The following FLT1 variants were observed in gnomAD, a reference collection of about 807,000 sequenced individuals.
FLT1 encodes the protein vascular endothelial growth factor receptor 1.
FLT1 carries 49 observed loss-of-function variants against 156.3 expected under a neutral mutation model. The observed-to-expected ratio is 0.31, with a 90% CI of 0.25 to 0.40. The LOEUF (loss-of-function observed/expected upper bound fraction) is 0.40, where lower values mean the gene tolerates loss of function less well. Among genes scored for constraint, FLT1 ranks in the 10% least tolerant of loss-of-function variants. The pLI is 1.00. For missense variants in FLT1, 1,322 were observed against 1,637.2 expected (o/e 0.81, Z 3.32); for synonymous variants, 594 against 583.8 (o/e 1.02, Z -0.25).
chr13:28,397,653 C>G (rs1875131163), intron 11 of FLT1, among the ~76,000 whole-genome samples: 1 of 151,764 alleles, frequency 6.6e-6, no homozygotes. Context: ...TCCCAAGTAG[C>G]TGGGACAACA....
chr13:28,396,723 A>G (rs576801980), intron 12 of FLT1: 1 of 630,662 alleles, frequency 1.6e-6, no homozygotes, highest in Non-Finnish European at 2.9e-6. Flanking sequence ...TTCATAATCC[A>G]GTCTGGGAGG....
chr13:28,445,179 T>C (rs1414893585), intron 3 of FLT1, among the ~76,000 whole-genome samples: 1 of 152,076 alleles, frequency 6.6e-6, no homozygotes, highest in Non-Finnish European at 1.5e-5. Context: ...AATTACTAGA[T>C]TCAGAAATGA....
intron 14 of FLT1, among the ~76,000 whole-genome samples, chr13:28,359,175 T>G (rs1163276617): frequency 2.0e-5 from 3 of 152,232 alleles, no homozygotes; most frequent in African/African-American, 7.2e-5. Flanking sequence ...AGCATGGTAC[T>G]GTTATAAAAA....
Position 28,405,826 on chromosome 13 carries a change from A to G in FLT1, c.1505T>C (p.Ile502Thr). 1.2e-6 allele frequency: 2 copies of G among 1,610,924 alleles called. No individual in the cohort carries two copies. Among genetic ancestry groups the G allele is most frequent in the African/African-American group, 1.3e-5 (1 of 74,974 alleles). ...LDADSNMGNR[I>T]ESITQRMAII... ...TGCCATGCGCTGAGTGATGCTCTCA[A>G]TTCTGTTTCCCATGTTGCTGTCAGC... Residue 502 changes from isoleucine to threonine, a missense_variant, in exon 11 of 30, where the codon ATT (isoleucine) becomes ACT (threonine). By Grantham distance (89) the Ile-to-Thr change is moderately conservative. Around this residue, in one of 3 missense-constraint regions of FLT1, gnomAD observed 991 missense variants for 1,254.8 expected, o/e 0.79. Coordinates refer to ENST00000282397, the MANE Select transcript of FLT1 (RefSeq NM_002019.4).
chr13:28,307,575 C>G (rs906171539), intron 28 of FLT1, among the ~76,000 whole-genome samples: 1 of 151,984 alleles, frequency 6.6e-6, no homozygotes, highest in Non-Finnish European at 1.5e-5. Context: ...TATTCTTCAG[C>G]TTATTTTTGA....
At chr13:28,380,614 T>C (rs1483819508) in intron 14 of FLT1, among the ~76,000 whole-genome samples, 1 of 152,268 alleles carries the variant, frequency 6.6e-6, no homozygotes, top group African/African-American at 2.4e-5. Context: ...TGTGTAAGAC[T>C]TTATATGACC....
At chr13:28,323,174 T>TA (rs375048548) in intron 20 of FLT1, among the ~76,000 whole-genome samples, 7,776 of 145,760 alleles carry the variant, frequency 0.053, 669 homozygotes, top group African/African-American at 0.18. Context: ...TTAGATCAGA[T>TA]AAAAAAAAAA....
At chr13:28,410,237 T>C (rs980584820) in intron 10 of FLT1, among the ~76,000 whole-genome samples, 12 of 152,236 alleles carry the variant, frequency 7.9e-5, no homozygotes, top group Non-Finnish European at 1.6e-4. Flanking sequence ...GCTGGTACTT[T>C]CTTTCCTTTA....
intron 10 of FLT1, among the ~76,000 whole-genome samples, chr13:28,410,758 T>C (rs1176815283): frequency 6.6e-6 from 1 of 152,220 alleles, no homozygotes; most frequent in African/African-American, 2.4e-5. Flanking sequence ...AGTCACCCTA[T>C]GAAGCAAGCA....
chr13:28,332,243 A>G (rs993195101), intron 18 of FLT1, among the ~76,000 whole-genome samples: 8 of 152,056 alleles, frequency 5.3e-5, no homozygotes, highest in African/African-American at 1.9e-4. Flanking sequence ...AGAAAAAAAA[A>G]TCTCAAGTCA....
At position 28,422,700 on chromosome 13, in the gene FLT1, C is replaced by T. The variant is rs140861380; in HGVS notation, c.1436+4459G>A. On this transcript the variant is annotated intron_variant, in intron 10 of 29. Transcript: ENST00000282397. Reference sequence around the variant, plus strand: ...ATCCCGTTTGTGGGGAACAGATGAGCGCAAAGACCCATTCAGGCCACACAA... The same window carrying T: ...ATCCCGTTTGTGGGGAACAGATGAGTGCAAAGACCCATTCAGGCCACACAA... 3.4e-3 allele frequency among the ~76,000 whole-genome samples: 511 copies of T among 152,218 alleles called. 3 individuals are homozygous for T. Among genetic ancestry groups the T allele is most frequent in the South Asian group, 0.019 (90 of 4,820 alleles).
intron 17 of FLT1, among the ~76,000 whole-genome samples, chr13:28,337,491 C>G (rs1263779960): frequency 6.6e-6 from 1 of 152,182 alleles, no homozygotes; most frequent in African/African-American, 2.4e-5. Flanking sequence ...CCTCCTTGCT[C>G]CCACGTTAAT....
chr13:28,359,030 CTA>C (rs1245981424), intron 14 of FLT1, among the ~76,000 whole-genome samples: 1 of 152,080 alleles, frequency 6.6e-6, no homozygotes, highest in Non-Finnish European at 1.5e-5. Context: ...CCTGGCCAGA[CTA>C]TAGGCTGTAT....
intron 1 of FLT1, among the ~76,000 whole-genome samples, chr13:28,477,976 C>T (rs1880644667): frequency 6.6e-6 from 1 of 152,186 alleles, no homozygotes. Flanking sequence ...ATACAGGTGG[C>T]TTAGTGAAAG....
chr13:28,339,242 G>A lies in FLT1; in HGVS notation c.2414C>T (p.Pro805Leu), dbSNP rs774110655. 8.1e-6 allele frequency: 13 copies of A among 1,614,056 alleles called. No individual in the cohort carries two copies. In the South Asian group the frequency reaches 9.9e-5, roughly 12 times the overall value. ...GAGCCGCTCACACTGCTCATCCAAA[G>A]GAACTTCATCTGGGTCCATTATAAT... ...LSIIMDPDEV[P>L]LDEQCERLPY... The change falls in exon 17 of 30, where the codon CCT becomes CTT. Residue 805 changes from proline to leucine, a missense_variant. Pro to Leu is a moderately conservative substitution (Grantham distance 98, BLOSUM62 -3). This residue lies in a region of FLT1 where 991 missense variants were observed against 1,254.8 expected (regional missense o/e 0.79). Coordinates refer to ENST00000282397, the MANE Select transcript of FLT1 (RefSeq NM_002019.4).
intron 10 of FLT1, among the ~76,000 whole-genome samples, chr13:28,411,898 C>CT (rs1566012373): frequency 6.6e-6 from 1 of 151,902 alleles, no homozygotes; most frequent in African/African-American, 2.4e-5. Flanking sequence ...ATCTCCTTCT[C>CT]TTTTTTTCTT....
At position 28,303,502 on chromosome 13, in the gene FLT1, C is replaced by CA. The variant is rs796384229; in HGVS notation, c.3816-135_3816-134insT. 71 of 771,450 alleles carry CA rather than the reference C, an allele frequency of 9.2e-5. 1 individual carries two copies. The highest frequency in any genetic ancestry group is 1.3e-4 in the South Asian group (8 of 63,976). 47.8% of individuals were successfully genotyped at this position (771,450 alleles called of 1,614,324 possible). A position where few individuals can be genotyped will look rare whatever the true frequency, so the allele number is the denominator to read the frequency against. ...GTTCATGGTTTTGGAACCCCCCCCC[C>CA]CTCAATTGCTGTCAGATTTCCTCTG... On this transcript the variant is annotated intron_variant, in intron 29 of 29. Transcript: ENST00000282397.
chr13:28,355,184 A>C (rs1286780821), intron 15 of FLT1, among the ~76,000 whole-genome samples: 1 of 152,242 alleles, frequency 6.6e-6, no homozygotes, highest in Non-Finnish European at 1.5e-5. Context: ...ACGTGGACTC[A>C]AGTCTCAGCC....
At chr13:28,486,774 C>T (rs80048166) in intron 1 of FLT1, among the ~76,000 whole-genome samples, 2 of 152,362 alleles carry the variant, frequency 1.3e-5, no homozygotes, top group East Asian at 3.9e-4. Flanking sequence ...CATACTCTTC[C>T]TGGCAGGAAT....
Sources: allele counts gnomAD v4.1 joint callset (sites outside exome capture counted in the v4.1 genomes callset), GRCh38; gene constraint gnomAD v4.1.1; regional missense constraint gnomAD v4.1.1; transcripts MANE v1.5; gene names NCBI Gene and HGNC (gene_info 2026-07-23, HGNC 2026-07-21).